Variants in GNAT3 observed in about 807,000 individuals in gnomAD.
GNAT3 encodes guanine nucleotide-binding protein G(t) subunit alpha-3.
Under a neutral mutation model 37.7 loss-of-function variants are expected in GNAT3, and 31 were observed. The observed-to-expected ratio is 0.82, with a 90% CI of 0.62 to 1.11. GNAT3 has a LOEUF of 1.11. Among genes scored for constraint, GNAT3 ranks in the 50% most tolerant of loss-of-function variants. The pLI, the probability that GNAT3 is intolerant of heterozygous loss-of-function variation, is 0.00. For missense variants in GNAT3, 437 were observed against 412.5 expected, an observed-to-expected ratio of 1.06 and a Z score of -0.51; for synonymous variants, 138 against 139.8, an observed-to-expected ratio of 0.99 and a Z score of 0.09.
intron 3 of GNAT3, among the ~76,000 whole-genome samples, chr7:80,483,767 A>G (rs1483149603): frequency 6.6e-6 from 1 of 151,902 alleles, no homozygotes; most frequent in East Asian, 1.9e-4. Context: ...TTTTCACTCA[A>G]GTCTCTTCCC....
intron 5 of GNAT3, among the ~76,000 whole-genome samples, chr7:80,469,697 T>C (rs757130648): frequency 6.6e-6 from 1 of 152,118 alleles, no homozygotes; most frequent in Non-Finnish European, 1.5e-5. Flanking sequence ...TTATGCTATG[T>C]GAATACAAAT....
At chr7:80,499,783 G>A (rs1297373077) in intron 1 of GNAT3, among the ~76,000 whole-genome samples, 1 of 149,652 alleles carries the variant, frequency 6.7e-6, no homozygotes, top group Admixed American at 6.6e-5. Flanking sequence ...ATATGAGCTT[G>A]CACTCATCTC....
intron 7 of GNAT3, among the ~76,000 whole-genome samples, chr7:80,460,840 C>A (rs555769380): frequency 2.0e-5 from 3 of 151,900 alleles, no homozygotes; most frequent in African/African-American, 7.3e-5. Flanking sequence ...ATATGTACCA[C>A]ACCAAAGCAG....
intron 3 of GNAT3, among the ~76,000 whole-genome samples, chr7:80,481,378 G>C (rs751849302): frequency 2.0e-5 from 3 of 152,018 alleles, no homozygotes; most frequent in Non-Finnish European, 4.4e-5. Context: ...AGGAAGGGTG[G>C]GGTCAGACAT....
chr7:80,496,626 T>G (rs1256277898), intron 1 of GNAT3, among the ~76,000 whole-genome samples: 1 of 152,208 alleles, frequency 6.6e-6, no homozygotes, highest in Admixed American at 6.5e-5. Context: ...CTCTATCTGC[T>G]TTGTTCACTG....
At chr7:80,499,592 A>G (rs1342163260) in intron 1 of GNAT3, among the ~76,000 whole-genome samples, 1 of 152,226 alleles carries the variant, frequency 6.6e-6, no homozygotes, top group East Asian at 1.9e-4. Context: ...TTGCTGTGTC[A>G]GCTTATCATT....
intron 1 of GNAT3, 124 bp downstream of exon 1, chr7:80,511,685 A>C: frequency 1.7e-6 from 1 of 593,056 alleles, no homozygotes; most frequent in Non-Finnish European, 3.0e-6. Flanking sequence ...TTAAGTTTCC[A>C]AACACATTTT....
chr7:80,478,750 C>A, intron 4 of GNAT3, 91 bp downstream of exon 4: 1 of 1,246,866 alleles, frequency 8.0e-7, no homozygotes, highest in Non-Finnish European at 1.1e-6. Flanking sequence ...TTATTTTCCT[C>A]ATTTGAATTT....
At chr7:80,489,403 A>AT (rs927863638) in intron 2 of GNAT3, among the ~76,000 whole-genome samples, 17 of 151,884 alleles carry the variant, frequency 1.1e-4, no homozygotes, top group Admixed American at 9.2e-4. Context: ...TTATTGTATA[A>AT]TTTTTTTTGT....
chr7:80,497,629 C>CATATACGT (rs1790753632), intron 1 of GNAT3, among the ~76,000 whole-genome samples: 1 of 116,262 alleles, frequency 8.6e-6, no homozygotes, highest in African/African-American at 4.4e-5. Flanking sequence ...TACGTATATA[C>CATATACGT]ATATACGTAT....
chr7:80,497,622 GTATATA>G (rs1562732949), intron 1 of GNAT3, among the ~76,000 whole-genome samples: 9 of 114,456 alleles, frequency 7.9e-5, no homozygotes, highest in African/African-American at 3.7e-4. Flanking sequence ...ATACATATAC[GTATATA>G]CATATACGTA....
chr7:80,458,704 G>C lies in GNAT3; in HGVS notation c.1032C>G (p.Ile344Met), dbSNP rs1370157295. The change falls in exon 8 of 8, where the codon ATC becomes ATG. Residue 344 changes from isoleucine (I) to methionine (M), a missense_variant. By Grantham distance (10) the Ile-to-Met change is conservative (BLOSUM62 1). Coordinates refer to ENST00000398291, the MANE Select transcript of GNAT3 (RefSeq NM_001102386.3). ...GCCCACAGTCTTTTAGATTCTCTTTGATTATTATATCTGTAACTGCGTCAA... is the reference window on the plus strand; with the variant it reads ...GCCCACAGTCTTTTAGATTCTCTTTCATTATTATATCTGTAACTGCGTCAA... ...FVFDAVTDIIIKENLKDCGLF is the reference protein window; with the variant it reads ...FVFDAVTDIIMKENLKDCGLF 2 of 1,584,804 alleles carry C rather than the reference G, an allele frequency of 1.3e-6. No individual in the cohort carries two copies. The highest frequency in any genetic ancestry group is 1.8e-5 in the Admixed American group (1 of 54,810).
chr7:80,475,271 A>T (rs909018050), intron 4 of GNAT3, among the ~76,000 whole-genome samples: 3 of 151,706 alleles, frequency 2.0e-5, no homozygotes, highest in Non-Finnish European at 4.4e-5. Flanking sequence ...GTCTAATTAA[A>T]TTGTGTATGC....
Position 80,474,390 on chromosome 7 carries a change from CA to C in GNAT3, c.462-12del. On this transcript the variant is annotated splice_polypyrimidine_tract_variant and intron_variant, in intron 4 of 7. Coordinates refer to ENST00000398291, the MANE Select transcript of GNAT3 (RefSeq NM_001102386.3). ...AAATCATTAAGGTAGCTAATAAAGACAAAACAAAATTATATATGTGTATATA... is the reference window on the plus strand; with the variant it reads ...AAATCATTAAGGTAGCTAATAAAGACAAACAAAATTATATATGTGTATATA... The C allele has an allele frequency of 1.4e-6, 2 of 1,429,316 alleles. No individual in the cohort carries two copies. Among genetic ancestry groups the C allele is most frequent in the Non-Finnish European group, 9.6e-7 (1 of 1,044,970 alleles). The allele number at this position is 1,429,316 out of a possible 1,614,324, so 88.5% of individuals were successfully genotyped here.
At chr7:80,495,481 T>C (rs866563413) in intron 1 of GNAT3, among the ~76,000 whole-genome samples, 3 of 150,978 alleles carry the variant, frequency 2.0e-5, no homozygotes, top group African/African-American at 4.9e-5. Flanking sequence ...TTTGTTTTTG[T>C]TTTTTTTGAG....
intron 2 of GNAT3, among the ~76,000 whole-genome samples, chr7:80,492,106 G>C (rs1316471095): frequency 6.6e-6 from 1 of 151,278 alleles, no homozygotes; most frequent in East Asian, 1.9e-4. Flanking sequence ...GAAGCAGGTG[G>C]ATCACTTGAG....
At chr7:80,460,716 C>G (rs1790034094) in intron 7 of GNAT3, among the ~76,000 whole-genome samples, 2 of 151,604 alleles carry the variant, frequency 1.3e-5, no homozygotes, top group Non-Finnish European at 2.9e-5. Flanking sequence ...CCACTGCACT[C>G]CAGCCTGGGC....
At chr7:80,487,609 T>G (rs1196998967) in intron 3 of GNAT3, 1 of 152,134 alleles carries the variant, frequency 6.6e-6, no homozygotes, top group Non-Finnish European at 1.5e-5. Context: ...TCCACTAAGC[T>G]GGGGGAGGGA....
chr7:80,494,340 C>T (rs1273862164), intron 2 of GNAT3, among the ~76,000 whole-genome samples: 1 of 152,164 alleles, frequency 6.6e-6, no homozygotes, highest in Middle Eastern at 3.4e-3. Flanking sequence ...TTGATATCCC[C>T]AGATTAATAT....
Sources: allele counts gnomAD v4.1 joint callset (sites outside exome capture counted in the v4.1 genomes callset), GRCh38; gene constraint gnomAD v4.1.1; transcripts MANE v1.5; gene names NCBI Gene and HGNC (gene_info 2026-07-23, HGNC 2026-07-21).